Variants in MECOM observed in about 807,000 individuals in gnomAD.
The protein encoded by MECOM is MDS1 and EVI1 complex locus, also known as histone-lysine N-methyltransferase MECOM.
MECOM carries 13 observed loss-of-function variants against 116.3 expected under a neutral mutation model. The ratio of observed to expected loss-of-function variants is 0.11; its 90% CI spans 0.07 to 0.18. The LOEUF is 0.18. Ranked by LOEUF, MECOM falls within the 10% of genes least tolerant of loss-of-function variation. MECOM has a pLI of 1.00. For synonymous variants in MECOM, 528 were observed against 535.2 expected, an observed-to-expected ratio of 0.99 and a Z score of 0.19; for missense variants, 1,299 against 1,509.0, an observed-to-expected ratio of 0.86 and a Z score of 2.31.
intron 1 of MECOM, among the ~76,000 whole-genome samples, chr3:169,406,465 C>T (rs573085615): frequency 6.6e-6 from 1 of 152,240 alleles, no homozygotes; most frequent in South Asian, 2.1e-4. Context: ...CTGCTTTGTA[C>T]CATAATCAGC....
At chr3:169,570,539 A>G (rs1290733515) in intron 1 of MECOM, among the ~76,000 whole-genome samples, 1 of 152,210 alleles carries the variant, frequency 6.6e-6, no homozygotes, top group Non-Finnish European at 1.5e-5. Flanking sequence ...ACATTAAAAA[A>G]AGAAAATTTC....
At chr3:169,374,793 G>A (rs4955645) in intron 2 of MECOM, among the ~76,000 whole-genome samples, 8,945 of 152,036 alleles carry the variant, frequency 0.059, 555 homozygotes, top group Admixed American at 0.2. Context: ...AGCACTTTGG[G>A]GAGCCAAGGT....
intron 1 of MECOM, among the ~76,000 whole-genome samples, chr3:169,394,562 G>A (rs1436988861): frequency 6.6e-6 from 1 of 152,132 alleles, no homozygotes; most frequent in Non-Finnish European, 1.5e-5. Flanking sequence ...ACTTTAAATT[G>A]GATTGAGTTT....
chr3:169,456,304 TG>T (rs1473656253), intron 1 of MECOM, among the ~76,000 whole-genome samples: 3 of 152,108 alleles, frequency 2.0e-5, no homozygotes, highest in Non-Finnish European at 2.9e-5. Context: ...AATATAGAGA[TG>T]GGGGGATTTC....
At chr3:169,146,844 G>T (rs1740090127) in intron 2 of MECOM, 1 of 1,066,840 alleles carries the variant, frequency 9.4e-7, no homozygotes, top group East Asian at 7.2e-5. Context: ...AAACGATCCC[G>T]AGCAACATTT....
chr3:169,087,169 ATATCCC>A (rs1718050338), intron 16 of MECOM, among the ~76,000 whole-genome samples: 1 of 152,148 alleles, frequency 6.6e-6, no homozygotes, highest in African/African-American at 2.4e-5. Context: ...TATTATAATT[ATATCCC>A]TTATCTGTAG....
intron 9 of MECOM, 108 bp from the exon 10 acceptor site, chr3:169,108,060 T>A (rs969763939): frequency 7.9e-6 from 7 of 881,996 alleles, no homozygotes; most frequent in Non-Finnish European, 1.3e-5. Context: ...TAATTTTTGC[T>A]TATCATGTAA....
intron 2 of MECOM, among the ~76,000 whole-genome samples, chr3:169,268,060 G>A (rs867350930): frequency 1.3e-5 from 2 of 152,078 alleles, no homozygotes; most frequent in African/African-American, 4.8e-5. Flanking sequence ...TTGTATCTAT[G>A]ATAAACTCTA....
chr3:169,206,685 G>A lies in MECOM; in HGVS notation c.376-62853C>T, dbSNP rs151014993. Among the ~76,000 whole-genome samples, 386 of 151,226 alleles carry A rather than the reference G, an allele frequency of 2.6e-3. 3 individuals are homozygous for A. The highest frequency in any genetic ancestry group is 8.5e-3 in the African/African-American group (349 of 41,062). On this transcript the variant is annotated intron_variant, in intron 2 of 16. Transcript: ENST00000651503. ...GGAGAATCGCTTGAACTCAGGAGGC[G>A]GAGGTTGCAGTGAGCCGAGATTGCA...
rs1189319470 is a variant in MECOM at position 169,089,149 on chromosome 3, C to A, written c.3436G>T (p.Ala1146Ser). The A allele has an allele frequency of 3.2e-6, 5 of 1,566,172 alleles. No individual in the cohort carries two copies. The highest frequency in any genetic ancestry group is 8.6e-7 in the Non-Finnish European group (1 of 1,160,584). ...GTGAAGTGCCTTATATGATCTAGAG[C>A]AGAAAGTCCACTTTTATATTCTTCC... Reference protein sequence around the residue: ...KEEEYKSGLSALDHIRHFTDS... With the variant: ...KEEEYKSGLSSLDHIRHFTDS... The change falls in exon 16 of 17, where the codon GCT becomes TCT. Residue 1146 changes from alanine to serine, a missense_variant. Ala to Ser is a moderately conservative substitution (Grantham distance 99, BLOSUM62 1). Around this residue, in one of 6 missense-constraint regions of MECOM, gnomAD observed 273 missense variants for 289.3 expected, o/e 0.94. Transcript: ENST00000651503.
intron 1 of MECOM, among the ~76,000 whole-genome samples, chr3:169,493,538 T>C (rs1274078567): frequency 2.6e-5 from 4 of 151,760 alleles, no homozygotes; most frequent in African/African-American, 4.8e-5. Flanking sequence ...ATGTAAGACA[T>C]ACAGACATAT....
chr3:169,381,455 G>C lies in MECOM; in HGVS notation c.107C>G (p.Ala36Gly), dbSNP rs537331052. 2 of 1,613,626 alleles carry C rather than the reference G, an allele frequency of 1.2e-6. No individual in the cohort carries two copies. The highest frequency in any genetic ancestry group is 1.7e-4 in the Middle Eastern group (1 of 6,056). ...TTGAATATTGAGGGAGGGAGTGCTG[G>C]CTACTCCATCTGCATCTGGCATTTC... ...LEEMPDADGV[A>G]STPSLNIQEP... The change falls in exon 2 of 17, where the codon GCC (alanine) becomes GGC (glycine). Residue 36 changes from alanine (A) to glycine (G), a missense_variant. Physicochemically the swap from Ala to Gly is moderately conservative, Grantham distance 60 (BLOSUM62 0). Transcript: ENST00000651503.
intron 1 of MECOM, among the ~76,000 whole-genome samples, chr3:169,477,864 A>G (rs760057520): frequency 2.0e-4 from 31 of 152,234 alleles, no homozygotes; most frequent in Admixed American, 3.3e-4. Flanking sequence ...AGTTGAGACT[A>G]TCTCTAGACA....
chr3:169,650,147 C>T (rs1327220771), intron 1 of MECOM, among the ~76,000 whole-genome samples: 1 of 152,194 alleles, frequency 6.6e-6, no homozygotes, highest in African/African-American at 2.4e-5. Context: ...ACTATACTGT[C>T]ATATTTTTTA....
rs74592246 is a variant in MECOM, at chr3:169,527,622, A to C, written c.37+135714T>G. On this transcript the variant is annotated intron_variant, in intron 1 of 16. Coordinates refer to ENST00000651503, the MANE Select transcript of MECOM (RefSeq NM_004991.4). ...TTAATAATTCTGGCAGCCTGCTCCC[A>C]AATCTTCATGTTTGTTTTTTGTTCC... is the stretch of plus-strand genomic sequence containing the variant. Among the ~76,000 whole-genome samples, 1,355 of 152,278 alleles carry C rather than the reference A, an allele frequency of 8.9e-3. 16 individuals are homozygous for C. The highest frequency in any genetic ancestry group is 0.026 in the South Asian group (124 of 4,830).
intron 2 of MECOM, among the ~76,000 whole-genome samples, chr3:169,230,147 C>T (rs1482467587): frequency 6.6e-6 from 1 of 152,116 alleles, no homozygotes; most frequent in Non-Finnish European, 1.5e-5. Context: ...TCATAAGCCA[C>T]TAACTCCTAT....
chr3:169,148,424 AC>A (rs10711054), intron 2 of MECOM, among the ~76,000 whole-genome samples: 129,695 of 152,196 alleles, frequency 0.85, 57,170 homozygotes, highest in East Asian at 0.99. Flanking sequence ...AAGAAAGAAT[AC>A]AGGGGATACA....
chr3:169,435,135 G>C (rs1416548076), intron 1 of MECOM, among the ~76,000 whole-genome samples: 1 of 152,146 alleles, frequency 6.6e-6, no homozygotes, highest in Admixed American at 6.6e-5. Context: ...ATGGAAATAT[G>C]CAGCAATGAT....
intron 1 of MECOM, among the ~76,000 whole-genome samples, chr3:169,527,267 A>T (rs1178486716): frequency 6.6e-6 from 1 of 152,234 alleles, no homozygotes; most frequent in African/African-American, 2.4e-5. Flanking sequence ...GGAGAAAAAG[A>T]AAAGAAAGAA....
Sources: gnomAD v4.1 joint callset for allele counts (sites outside exome capture counted in the v4.1 genomes callset) on GRCh38, gnomAD v4.1.1 for gene constraint, gnomAD v4.1.1 regional missense constraint, MANE v1.5 for transcripts, NCBI Gene and HGNC (gene_info 2026-07-23, HGNC 2026-07-21) for gene names.